The following CACNA1I variants were observed in gnomAD, a reference collection of about 807,000 sequenced individuals.
The protein encoded by CACNA1I is calcium voltage-gated channel subunit alpha1 I.
Under a neutral mutation model 201.6 loss-of-function variants are expected in CACNA1I, and 74 were observed. The ratio of observed to expected loss-of-function variants is 0.37; its 90% CI spans 0.30 to 0.45. The LOEUF is 0.45. Ranked by LOEUF, CACNA1I falls within the 20% of genes least tolerant of loss-of-function variation. The pLI is 1.00. For missense variants in CACNA1I, 2,346 were observed against 3,138.1 expected, an observed-to-expected ratio of 0.75 and a Z score of 6.03; for synonymous variants, 1,431 against 1,345.2, an observed-to-expected ratio of 1.06 and a Z score of -1.40.
In CACNA1I at chr22:39,585,727, G is replaced by GTTTTT. The variant is rs34320968; in HGVS notation, c.237-12408_237-12404dup. ...AAAAAAAAAAAAAAAAACTTTTAAA[G>GTTTTT]TTTTTTTTTTTTTTTTTTTTGCAAT... On this transcript the variant is annotated intron_variant, in intron 1 of 36. Transcript: ENST00000402142. Among the ~76,000 whole-genome samples, 31 of 83,926 alleles carry GTTTTT rather than the reference G, an allele frequency of 3.7e-4. 4 individuals carry two copies. Among genetic ancestry groups the GTTTTT allele is most frequent in the Non-Finnish European group, 4.5e-4 (22 of 49,380 alleles). The allele number at this position is 83,926 out of a possible 152,430, so 55.1% of individuals were successfully genotyped here.
intron 29 of CACNA1I, among the ~76,000 whole-genome samples, chr22:39,675,771 G>T (rs1461467969): frequency 6.6e-6 from 1 of 152,192 alleles, no homozygotes; most frequent in African/African-American, 2.4e-5. Flanking sequence ...TGGGGAGGAG[G>T]CATTTTACAG....
chr22:39,677,935 GC>G lies in CACNA1I; in HGVS notation c.4934-48del. 1 of 1,529,788 alleles carries G rather than the reference GC, an allele frequency of 6.5e-7. No homozygotes were observed. 94.8% of individuals were successfully genotyped at this position (1,529,788 alleles called of 1,614,324 possible). ...GGCGGGAGGCACCAGGTCAGGGTGA[GC>G]CCCGCAGGCACTCCGCCATCGGGCA... is the stretch of plus-strand genomic sequence containing the variant. On this transcript the variant is annotated intron_variant, in intron 30 of 36. Coordinates refer to ENST00000402142, the MANE Select transcript of CACNA1I (RefSeq NM_021096.4). The surrounding 1 kb of genome is among the most constrained non-coding windows in gnomAD (Gnocchi z 4.8).
rs747160892 is a variant in CACNA1I at position 39,634,541 on chromosome 22, TCCCTC to T, written c.581-22_581-18del. On this transcript the variant is annotated intron_variant, in intron 4 of 36. Transcript: ENST00000402142. ...GGGACCTCTGCTCCCTGTCTGACCA[TCCCTC>T]CACCTTTTCCCCTCCCAGGTATGCG... The T allele has an allele frequency of 5.0e-6, 8 of 1,613,164 alleles. No individual in the cohort carries two copies. Among genetic ancestry groups the T allele is most frequent in the Middle Eastern group, 1.7e-4 (1 of 5,992 alleles).
At position 39,661,089 on chromosome 22, in the gene CACNA1I, C is replaced by T; in HGVS notation, c.2699-19C>T. On this transcript the variant is annotated intron_variant, in intron 15 of 36. Transcript: ENST00000402142. ...GTCTGCCATCTGTCCCTCCCTCTGTCTCCATCTCACTCCTCCAGATCCCAA... is the reference window on the plus strand; with the variant it reads ...GTCTGCCATCTGTCCCTCCCTCTGTTTCCATCTCACTCCTCCAGATCCCAA... 1.2e-6 allele frequency: 2 copies of T among 1,602,002 alleles called. No individual in the cohort carries two copies. Among genetic ancestry groups the T allele is most frequent in the Non-Finnish European group, 1.7e-6 (2 of 1,170,008 alleles).
At chr22:39,673,125 G>A (rs1411984063) in intron 28 of CACNA1I, 43 bp downstream of exon 28, 21 of 1,588,236 alleles carry the variant, frequency 1.3e-5, no homozygotes, top group Non-Finnish European at 1.7e-5. Flanking sequence ...ACAAGCAGGG[G>A]CGGGATGAGA....
chr22:39,622,925 T>C (rs1259195313), intron 4 of CACNA1I, among the ~76,000 whole-genome samples: 3 of 152,186 alleles, frequency 2.0e-5, no homozygotes, highest in Non-Finnish European at 2.9e-5. Context: ...ATGGTCACAC[T>C]CCAGGCCACG....
chr22:39,644,051 A>C (rs1461991180), intron 7 of CACNA1I, among the ~76,000 whole-genome samples: 1 of 151,972 alleles, frequency 6.6e-6, no homozygotes, highest in African/African-American at 2.4e-5. Flanking sequence ...AGGGATGGGG[A>C]GGTGGGAGGC....
chr22:39,597,826 G>A (rs1376285131), intron 1 of CACNA1I, among the ~76,000 whole-genome samples: 1 of 152,210 alleles, frequency 6.6e-6, no homozygotes, highest in East Asian at 1.9e-4. Flanking sequence ...GGAGAGGCTG[G>A]GACAGCCCAG....
rs746193320 is a variant in CACNA1I, at chr22:39,663,770, G to A, written c.3526G>A (p.Val1176Ile). 25 of 1,612,832 alleles carry A rather than the reference G, an allele frequency of 1.6e-5. No individual in the cohort carries two copies. In the Admixed American group the frequency reaches 3.8e-4, roughly 25 times the overall value. ...TGCCCACAAACTCTTCGACTACGTC[G>A]TCCTGGCCTTCATCTTTCTCAACTG... The part of the protein sequence containing the change: ...IIAHKLFDYV[V>I]LAFIFLNCIT... The change falls in exon 19 of 37, where the codon GTC (valine) becomes ATC (isoleucine). Residue 1176 changes from valine to isoleucine, a missense_variant. Transcript: ENST00000402142.
intron 1 of CACNA1I, among the ~76,000 whole-genome samples, chr22:39,579,729 C>T (rs1482629599): frequency 6.6e-6 from 1 of 151,942 alleles, no homozygotes; most frequent in Non-Finnish European, 1.5e-5. Context: ...TCACTGCAAC[C>T]TCTGCCTTCC....
At chr22:39,652,210 G>A (rs1348621411) in intron 10 of CACNA1I, among the ~76,000 whole-genome samples, 2 of 152,278 alleles carry the variant, frequency 1.3e-5, no homozygotes, top group East Asian at 3.9e-4. Flanking sequence ...TGGCCAGGCT[G>A]GTCTTGAACT....
chr22:39,638,191 C>T (rs1326290836), intron 5 of CACNA1I, among the ~76,000 whole-genome samples: 5 of 152,222 alleles, frequency 3.3e-5, no homozygotes, highest in Admixed American at 1.3e-4. Flanking sequence ...CCACCCACCT[C>T]GGCCTCCCAA....
At chr22:39,644,698 T>A (rs190800202) in intron 7 of CACNA1I, among the ~76,000 whole-genome samples, 142 of 151,772 alleles carry the variant, frequency 9.4e-4, no homozygotes, top group African/African-American at 2.2e-3. Flanking sequence ...TTTTTTTTTT[T>A]AATTTTAGAG....
rs1934334608 is a variant in CACNA1I at position 39,640,882 on chromosome 22, C to T, written c.756C>T (p.Ala252=). Residue 252 remains alanine, a synonymous_variant, in exon 6 of 37, where the codon GCC becomes GCT. Coordinates refer to ENST00000402142, the MANE Select transcript of CACNA1I (RefSeq NM_021096.4). ...CTGTGGACAGACAAGGGGATGTGGC[C>T]TTGCCCCCATACTACCAGCCGGAGG... ...EENFTIQGDV[A]LPPYYQPEED... 6.2e-7 allele frequency: 1 copy of T among 1,612,844 alleles called. No homozygotes were observed. The highest frequency in any genetic ancestry group is 8.5e-7 in the Non-Finnish European group (1 of 1,179,436).
At chr22:39,571,308 C>T (rs1932175513) in intron 1 of CACNA1I, among the ~76,000 whole-genome samples, 2 of 152,174 alleles carry the variant, frequency 1.3e-5, no homozygotes, top group South Asian at 4.1e-4. Context: ...ATCAGTCAGA[C>T]TCTGGAGCCA....
intron 1 of CACNA1I, among the ~76,000 whole-genome samples, chr22:39,587,277 C>G (rs1932764812): frequency 6.6e-6 from 1 of 152,194 alleles, no homozygotes; most frequent in South Asian, 2.1e-4. Flanking sequence ...ACTCCCTTGC[C>G]CCCTCCTGAA....
chr22:39,652,379 G>A (rs945578602), intron 10 of CACNA1I, among the ~76,000 whole-genome samples: 14 of 152,156 alleles, frequency 9.2e-5, no homozygotes, highest in Non-Finnish European at 1.6e-4. Flanking sequence ...CCCACTGTGC[G>A]TCTCCTGCCT....
At chr22:39,595,829 C>G (rs148928425) in intron 1 of CACNA1I, among the ~76,000 whole-genome samples, 2 of 151,916 alleles carry the variant, frequency 1.3e-5, no homozygotes, top group African/African-American at 4.8e-5. Context: ...CATTGAACAC[C>G]TACTAGATGT....
Position 39,649,734 on chromosome 22 carries a change from G to A in CACNA1I, c.1801G>A (p.Ala601Thr), listed in dbSNP as rs1343815526. The A allele has an allele frequency of 2.6e-6, 4 of 1,565,484 alleles. No individual in the cohort carries two copies. In the African/African-American group the frequency reaches 4.1e-5, roughly 16 times the overall value. The stretch of plus-strand genomic sequence containing the variant: ...CGGGGCCCGGAGCAGCGAGGACGGA[G>A]CCTCCTCAGAACTGGGGAAGGAGGA... ...GDGARSSEDGASSELGKEEEE... is the reference protein window; with the variant it reads ...GDGARSSEDGTSSELGKEEEE... Residue 601 changes from alanine (A) to threonine (T), a missense_variant, in exon 10 of 37, where the codon GCC becomes ACC. Around this residue, in one of 13 missense-constraint regions of CACNA1I, gnomAD observed 312 missense variants for 331.5 expected, o/e 0.94. Transcript: ENST00000402142. The surrounding 1 kb of genome is among the most constrained non-coding windows in gnomAD (Gnocchi z 7.3).
Sources: gnomAD v4.1 joint callset for allele counts (sites outside exome capture counted in the v4.1 genomes callset) on GRCh38, gnomAD v4.1.1 for gene constraint, gnomAD v4.1.1 regional missense constraint, Gnocchi (gnomAD v3.1) non-coding constraint, MANE v1.5 for transcripts, NCBI Gene and HGNC (gene_info 2026-07-23, HGNC 2026-07-21) for gene names.